Variants in DNAAF9 observed in about 807,000 individuals in gnomAD.
The protein encoded by DNAAF9 is shulin.
In DNAAF9, 90 loss-of-function variants were observed where a neutral mutation model predicts 167.0. The ratio of observed to expected loss-of-function variants is 0.54; its 90% CI spans 0.45 to 0.64. DNAAF9 has a LOEUF of 0.64. DNAAF9 is among the 30% of genes least tolerant of loss of function. The probability of loss-of-function intolerance (pLI) is 0.00; values close to 1 mark genes in which losing one functional copy is unlikely to be tolerated. For synonymous variants in DNAAF9, 491 were observed against 508.8 expected (o/e 0.96, Z 0.47); for missense variants, 1,315 against 1,442.2 (o/e 0.91, Z 1.43).
At chr20:3,299,858 G>C (rs776470872) in intron 21 of DNAAF9, among the ~76,000 whole-genome samples, 9 of 152,098 alleles carry the variant, frequency 5.9e-5, no homozygotes, top group East Asian at 5.8e-4. Flanking sequence ...AAACAATAAG[G>C]GTCCCTTGAG....
At chr20:3,388,490 C>T (rs1041855421) in intron 1 of DNAAF9, among the ~76,000 whole-genome samples, 1 of 152,012 alleles carries the variant, frequency 6.6e-6, no homozygotes, top group Admixed American at 6.6e-5. Flanking sequence ...AAAGCAGGGA[C>T]TGAAAGAGAT....
intron 1 of DNAAF9, among the ~76,000 whole-genome samples, chr20:3,383,837 C>A (rs916626823): frequency 4.1e-5 from 6 of 144,824 alleles, no homozygotes; most frequent in East Asian, 2.0e-4. Context: ...CTCACTCTGT[C>A]GCCCAGGCTG....
chr20:3,323,344 C>T (rs7271715), intron 14 of DNAAF9, among the ~76,000 whole-genome samples: 27,545 of 136,550 alleles, frequency 0.2, 2,921 homozygotes, highest in African/African-American at 0.25. Flanking sequence ...TGCAGTGGCG[C>T]AATCTCGACT....
At chr20:3,375,006 G>C in intron 5 of DNAAF9, 24 bp downstream of exon 5, 1 of 1,307,912 alleles carries the variant, frequency 7.6e-7, no homozygotes, top group Non-Finnish European at 1.1e-6. Flanking sequence ...CAAGGTTCTA[G>C]AAGGCTTGCT....
At chr20:3,297,514 C>T (rs2069102737) in intron 22 of DNAAF9, among the ~76,000 whole-genome samples, 1 of 152,180 alleles carries the variant, frequency 6.6e-6, no homozygotes, top group Non-Finnish European at 1.5e-5. Context: ...CAAGAATTCC[C>T]ACTAGTCATG....
At chr20:3,385,874 T>C (rs1395730539) in intron 1 of DNAAF9, among the ~76,000 whole-genome samples, 1 of 152,212 alleles carries the variant, frequency 6.6e-6, no homozygotes, top group Non-Finnish European at 1.5e-5. Context: ...TAGTAAGACA[T>C]ACCATGTTCA....
intron 25 of DNAAF9, among the ~76,000 whole-genome samples, chr20:3,293,482 C>T (rs377013389): frequency 6.2e-4 from 92 of 148,104 alleles, no homozygotes; most frequent in African/African-American, 2.1e-3. Context: ...GTCAAGAGTT[C>T]GAGACCAGCC....
chr20:3,348,934 G>T (rs1349786548), intron 7 of DNAAF9, among the ~76,000 whole-genome samples: 1 of 152,254 alleles, frequency 6.6e-6, no homozygotes, highest in African/African-American at 2.4e-5. Context: ...GAGACTGACT[G>T]CAAGTGGGCA....
chr20:3,340,955 C>A (rs1293888019), intron 9 of DNAAF9, among the ~76,000 whole-genome samples: 2 of 152,040 alleles, frequency 1.3e-5, no homozygotes. Flanking sequence ...GAGCAAAACT[C>A]CGGTATTATA....
intron 10 of DNAAF9, among the ~76,000 whole-genome samples, chr20:3,332,936 T>G (rs1036987096): frequency 9.3e-5 from 14 of 150,346 alleles, no homozygotes; most frequent in African/African-American, 3.0e-4. Context: ...TGTGTGTGTG[T>G]GGTTTAAACC....
At chr20:3,373,274 C>T (rs1466440743) in intron 6 of DNAAF9, among the ~76,000 whole-genome samples, 1 of 152,214 alleles carries the variant, frequency 6.6e-6, no homozygotes, top group Non-Finnish European at 1.5e-5. Flanking sequence ...CCCACTTACT[C>T]TCTCCCTAAT....
chr20:3,321,493 GTATC>G (rs1568603208), intron 16 of DNAAF9, among the ~76,000 whole-genome samples: 1 of 152,202 alleles, frequency 6.6e-6, no homozygotes, highest in African/African-American at 2.4e-5. Context: ...GACCACTGTT[GTATC>G]TGCAGTCCAC....
rs562612161 is a variant in DNAAF9 at position 3,320,347 on chromosome 20, T to C, written c.1356+1870A>G. On this transcript the variant is annotated intron_variant, in intron 16 of 36. Transcript: ENST00000252032. Reference sequence around the variant, plus strand: ...AACAGGGAAGGCTTTGGGGAGGATATAGAACTTCATCTCTGGATAAGAGGA... The same window carrying C: ...AACAGGGAAGGCTTTGGGGAGGATACAGAACTTCATCTCTGGATAAGAGGA... Among the ~76,000 whole-genome samples, 26 of 152,302 alleles carry C rather than the reference T, an allele frequency of 1.7e-4. 2 individuals are homozygous for C. In the South Asian group the frequency reaches 4.1e-3, roughly 24 times the overall value.
chr20:3,404,003 C>T (rs767754838), intron 1 of DNAAF9, among the ~76,000 whole-genome samples: 10 of 152,138 alleles, frequency 6.6e-5, no homozygotes, highest in Non-Finnish European at 1.3e-4. Context: ...TGACCCTCCA[C>T]ATTATCGAAT....
At chr20:3,290,935 C>A (rs2122909260) in intron 25 of DNAAF9, among the ~76,000 whole-genome samples, 1 of 152,170 alleles carries the variant, frequency 6.6e-6, no homozygotes, top group East Asian at 1.9e-4. Flanking sequence ...ATTACAGGCA[C>A]ATGCCACCAT....
intron 30 of DNAAF9, among the ~76,000 whole-genome samples, chr20:3,267,255 C>G (rs2068507176): frequency 6.6e-6 from 1 of 152,150 alleles, no homozygotes; most frequent in South Asian, 2.1e-4. Flanking sequence ...CAAATTGTCC[C>G]AAATTAGACT....
chr20:3,355,473 G>A (rs1399905207), intron 7 of DNAAF9, among the ~76,000 whole-genome samples: 3 of 152,052 alleles, frequency 2.0e-5, no homozygotes, highest in African/African-American at 7.3e-5. Context: ...TACTCAGGAG[G>A]CTGAGGTATG....
At chr20:3,374,201 A>G (rs1054357221) in intron 5 of DNAAF9, 47 bp from the exon 6 acceptor site, 3 of 1,341,116 alleles carry the variant, frequency 2.2e-6, no homozygotes, top group Non-Finnish European at 3.2e-6. Flanking sequence ...CATCCTGAAT[A>G]TAACAGTCTA....
intron 6 of DNAAF9, among the ~76,000 whole-genome samples, chr20:3,370,616 G>A (rs545940724): frequency 6.6e-6 from 1 of 152,056 alleles, no homozygotes; most frequent in African/African-American, 2.4e-5. Flanking sequence ...CACCATGTTG[G>A]CCAGGACGGT....
Sources: allele counts gnomAD v4.1 joint callset (sites outside exome capture counted in the v4.1 genomes callset), GRCh38; gene constraint gnomAD v4.1.1; transcripts MANE v1.5; gene names NCBI Gene and HGNC (gene_info 2026-07-23, HGNC 2026-07-21).